ADGRB1: variants seen among roughly 807,000 people sequenced by gnomAD.
ADGRB1 encodes the protein brain-specific angiogenesis inhibitor 1.
ADGRB1 carries 36 observed loss-of-function variants against 175.7 expected under a neutral mutation model. The ratio of observed to expected loss-of-function variants is 0.20; its 90% confidence interval spans 0.16 to 0.27. ADGRB1 has a LOEUF of 0.27. Ranked by LOEUF, ADGRB1 falls within the 10% of genes least tolerant of loss-of-function variation. The pLI is 1.00. For missense variants in ADGRB1, 1,731 were observed against 2,255.3 expected, an observed-to-expected ratio of 0.77 and a Z score of 4.71; for synonymous variants, 1,054 against 979.4, an observed-to-expected ratio of 1.08 and a Z score of -1.42.
chr8:142,463,057 C>T (rs1297068813), intron 1 of ADGRB1, among the ~76,000 whole-genome samples: 1 of 152,222 alleles, frequency 6.6e-6, no homozygotes, highest in Non-Finnish European at 1.5e-5. Context: ...TTCTCCGACC[C>T]ACTCACTGTG....
At position 142,493,217 on chromosome 8, in the gene ADGRB1, T is replaced by C. The variant is rs554539150; in HGVS notation, c.2675+2402T>C. On this transcript the variant is annotated intron_variant, in intron 17 of 30. Transcript: ENST00000517894. The surrounding 1 kb of genome is among the most constrained non-coding windows in gnomAD (Gnocchi z 5.0). Reference sequence around the variant, plus strand: ...AGCAGGCTGTGAGGGGCCTGTCCAGTGAGCCGGGACAAGGACACTGCCCCA... The same window carrying C: ...AGCAGGCTGTGAGGGGCCTGTCCAGCGAGCCGGGACAAGGACACTGCCCCA... Among the ~76,000 whole-genome samples the C allele has an allele frequency of 1.9e-3, 290 of 152,060 alleles. No individual in the cohort carries two copies. The highest frequency in any genetic ancestry group is 3.4e-3 in the Middle Eastern group (1 of 292).
chr8:142,486,302 C>A (rs1011333523), intron 13 of ADGRB1, among the ~76,000 whole-genome samples: 3 of 152,184 alleles, frequency 2.0e-5, no homozygotes, highest in African/African-American at 7.2e-5. Context: ...AATAATCCCT[C>A]CCGACTGTCA....
intron 15 of ADGRB1, 22 bp downstream of exon 15, chr8:142,489,132 G>T (rs764953196): frequency 1.9e-6 from 3 of 1,592,654 alleles, no homozygotes; most frequent in Non-Finnish European, 2.6e-6. Flanking sequence ...TGGGCAGGTG[G>T]GGTGGGCAGT....
chr8:142,475,413 T>TA, intron 2 of ADGRB1, 61 bp from the exon 3 acceptor site: 1 of 1,244,274 alleles, frequency 8.0e-7, no homozygotes, highest in Non-Finnish European at 1.0e-6. Context: ...CCCCATGACT[T>TA]ACCCGTCCAG....
chr8:142,488,796 G>A (rs1483508867), intron 14 of ADGRB1, among the ~76,000 whole-genome samples: 1 of 152,182 alleles, frequency 6.6e-6, no homozygotes, highest in Non-Finnish European at 1.5e-5. Context: ...CCTGCCCGTA[G>A]CTCTCAGGAT....
chr8:142,520,443 GTGATGGTGA>G (rs1563735974), intron 19 of ADGRB1, among the ~76,000 whole-genome samples: 2 of 133,222 alleles, frequency 1.5e-5, no homozygotes, highest in East Asian at 2.5e-4. Flanking sequence ...GATGATGGTG[GTGATGGTGA>G]TGGTGGTGGT....
chr8:142,526,514 CA>C, intron 23 of ADGRB1, 27 bp from the exon 24 acceptor site: 17 of 1,378,140 alleles, frequency 1.2e-5, no homozygotes, highest in South Asian at 2.5e-5. Flanking sequence ...CCCCCACCCC[CA>C]CACCCCCACC....
Position 142,519,240 on chromosome 8 carries a change from G to A in ADGRB1, c.2921+999G>A, listed in dbSNP as rs112272126. On this transcript the variant is annotated intron_variant, in intron 19 of 30. Coordinates refer to ENST00000517894, the MANE Select transcript of ADGRB1 (RefSeq NM_001702.3). ...CTGAGTTCTGAGGAAGTTTTCTGCCGACAGTTTTCAAAGCATCTCCCTTGG... is the reference window on the plus strand; with the variant it reads ...CTGAGTTCTGAGGAAGTTTTCTGCCAACAGTTTTCAAAGCATCTCCCTTGG... Among the ~76,000 whole-genome samples, 269 of 152,278 alleles carry A rather than the reference G, an allele frequency of 1.8e-3. 1 individual carries two copies. Among genetic ancestry groups the A allele is most frequent in the Middle Eastern group, 0.014 (4 of 294 alleles).
At chr8:142,486,382 C>T (rs1377199617) in intron 13 of ADGRB1, among the ~76,000 whole-genome samples, 1 of 152,238 alleles carries the variant, frequency 6.6e-6, no homozygotes, top group Non-Finnish European at 1.5e-5. Context: ...CTGATCCCTG[C>T]AGCCAACCTT....
chr8:142,520,510 G>A, intron 19 of ADGRB1, among the ~76,000 whole-genome samples: 1 of 122,490 alleles, frequency 8.2e-6, no homozygotes, highest in Admixed American at 8.3e-5. Context: ...TGATGGTGAT[G>A]TAGTGGTGGT....
intron 20 of ADGRB1, among the ~76,000 whole-genome samples, chr8:142,521,304 C>T (rs1004346660): frequency 2.0e-5 from 3 of 152,088 alleles, no homozygotes; most frequent in Non-Finnish European, 4.4e-5. Context: ...CACGGTCCAC[C>T]CTCTCACCCC....
chr8:142,498,745 G>T (rs990728808), intron 17 of ADGRB1, among the ~76,000 whole-genome samples: 4 of 151,948 alleles, frequency 2.6e-5, no homozygotes, highest in African/African-American at 9.6e-5. Context: ...CACACCTCCC[G>T]CCTGCCCACC....
At chr8:142,481,742 G>A in intron 11 of ADGRB1, 31 bp downstream of exon 11, 2 of 1,491,782 alleles carry the variant, frequency 1.3e-6, no homozygotes, top group Non-Finnish European at 1.8e-6. Context: ...TTTGGAAGAG[G>A]GTGTCGGGAA....
intron 13 of ADGRB1, among the ~76,000 whole-genome samples, chr8:142,486,160 C>T (rs1841659301): frequency 6.6e-6 from 1 of 152,220 alleles, no homozygotes; most frequent in Non-Finnish European, 1.5e-5. Context: ...TGCTCAGCCT[C>T]ACTCACTCCC....
At position 142,484,641 on chromosome 8, in the gene ADGRB1, C is replaced by A. The variant is rs764438039; in HGVS notation, c.2200-15C>A. On this transcript the variant is annotated splice_polypyrimidine_tract_variant and intron_variant, in intron 12 of 30. Coordinates refer to ENST00000517894, the MANE Select transcript of ADGRB1 (RefSeq NM_001702.3). ...GGGGCCTCCTCCCTCGGCTGCTCAC[C>A]CCCCTGCCCTCCAGGCGGGCCCCAA... 5 of 1,601,782 alleles carry A rather than the reference C, an allele frequency of 3.1e-6. No individual in the cohort carries two copies. The highest frequency in any genetic ancestry group is 4.3e-6 in the Non-Finnish European group (5 of 1,175,224).
At chr8:142,506,402 G>A (rs1842854451) in intron 17 of ADGRB1, among the ~76,000 whole-genome samples, 2 of 152,360 alleles carry the variant, frequency 1.3e-5, no homozygotes, top group Middle Eastern at 3.4e-3. Context: ...CTGGTCCTGG[G>A]TGGTGTCACT....
At chr8:142,533,605 C>T (rs1844754225) in intron 25 of ADGRB1, 139 bp downstream of exon 25, 8 of 1,039,492 alleles carry the variant, frequency 7.7e-6, no homozygotes, top group African/African-American at 1.6e-5. Context: ...CTGCAGGCCT[C>T]GGTGGTCCAC....
At chr8:142,488,945 G>A (rs1841844886) in intron 14 of ADGRB1, 90 bp from the exon 15 acceptor site, 3 of 1,450,930 alleles carry the variant, frequency 2.1e-6, no homozygotes, top group East Asian at 4.8e-5. Flanking sequence ...GGCGGCAGAT[G>A]CCAGTGACAG....
At chr8:142,516,772 G>A (rs137867216) in intron 18 of ADGRB1, among the ~76,000 whole-genome samples, 7 of 152,192 alleles carry the variant, frequency 4.6e-5, no homozygotes, top group African/African-American at 7.2e-5. Context: ...CATGTCAGGC[G>A]TGTGGCCTGC....
Sources: gnomAD v4.1 joint callset for allele counts (sites outside exome capture counted in the v4.1 genomes callset) on GRCh38, gnomAD v4.1.1 for gene constraint, Gnocchi (gnomAD v3.1) non-coding constraint, MANE v1.5 for transcripts, NCBI Gene and HGNC (gene_info 2026-07-23, HGNC 2026-07-21) for gene names.